SLC12A1: variants seen among roughly 807,000 people sequenced by gnomAD.
The protein encoded by SLC12A1 is Na-K-2Cl cotransporter.
In SLC12A1, 89 loss-of-function variants were observed where a neutral mutation model predicts 130.4. The observed-to-expected ratio is 0.68, with a 90% CI of 0.58 to 0.81. The LOEUF is 0.81. Ranked by LOEUF, SLC12A1 falls within the 40% of genes least tolerant of loss-of-function variation. SLC12A1 has a pLI of 0.00. For missense variants in SLC12A1, 1,310 were observed against 1,336.4 expected (o/e 0.98, Z 0.31); for synonymous variants, 499 against 460.0 (o/e 1.08, Z -1.09).
intron 4 of SLC12A1, among the ~76,000 whole-genome samples, chr15:48,221,643 C>T (rs528841075): frequency 4.3e-4 from 65 of 152,128 alleles, no homozygotes; most frequent in African/African-American, 1.6e-3. Flanking sequence ...TTAAATATTA[C>T]ATTCTATTTT....
intron 17 of SLC12A1, among the ~76,000 whole-genome samples, chr15:48,262,421 G>T (rs1201832425): frequency 1.3e-5 from 2 of 152,124 alleles, no homozygotes; most frequent in African/African-American, 2.4e-5. Context: ...ATCATTATTT[G>T]ATTTGAAATT....
At chr15:48,245,947 C>T (rs1261426850) in intron 11 of SLC12A1, among the ~76,000 whole-genome samples, 2 of 151,910 alleles carry the variant, frequency 1.3e-5, no homozygotes, top group Non-Finnish European at 2.9e-5. Context: ...CCAGAGGGAA[C>T]GTAAATAAGG....
At chr15:48,211,159 TCATGAAGAGGTATCCA>T (rs1188309155) in intron 2 of SLC12A1, among the ~76,000 whole-genome samples, 2 of 152,166 alleles carry the variant, frequency 1.3e-5, no homozygotes, top group Non-Finnish European at 1.5e-5. Flanking sequence ...CTTGATTAAA[TCATGAAGAGGTATCCA>T]CATAGCCAAA....
chr15:48,288,147 G>A lies in SLC12A1; in HGVS notation c.2734G>A (p.Asp912Asn). The stretch of plus-strand genomic sequence containing the variant: ...AAAGAAACAAGAAAAAGGCACAATT[G>A]ATGTTTGGTGGTTGTTTGATGATGG... ...FKKKQEKGTI[D>N]VWWLFDDGGL... The change falls in exon 22 of 27, where the codon GAT (aspartate) becomes AAT (asparagine). Residue 912 changes from aspartate (D) to asparagine (N), a missense_variant. By Grantham distance (23) the Asp-to-Asn change is conservative (BLOSUM62 1). Coordinates refer to ENST00000380993, the MANE Select transcript of SLC12A1 (RefSeq NM_000338.3). The A allele has an allele frequency of 6.2e-7, 1 of 1,609,926 alleles. No homozygotes were observed.
At chr15:48,242,819 T>C (rs547307348) in intron 10 of SLC12A1, among the ~76,000 whole-genome samples, 51 of 151,712 alleles carry the variant, frequency 3.4e-4, no homozygotes, top group Admixed American at 3.3e-3. Flanking sequence ...AATAAATAGG[T>C]AGATAAATGT....
chr15:48,230,643 A>T, intron 7 of SLC12A1, 140 bp downstream of exon 7: 3 of 647,290 alleles, frequency 4.6e-6, no homozygotes, highest in Non-Finnish European at 8.4e-6. Context: ...TGCTAGGTGG[A>T]ACACCAAGCC....
intron 8 of SLC12A1, among the ~76,000 whole-genome samples, chr15:48,234,147 G>T (rs1402565574): frequency 6.6e-6 from 1 of 152,152 alleles, no homozygotes; most frequent in Non-Finnish European, 1.5e-5. Flanking sequence ...TAGAAAACCA[G>T]TGTGTTGATT....
At chr15:48,268,551 A>C (rs771643323) in intron 18 of SLC12A1, among the ~76,000 whole-genome samples, 7 of 152,180 alleles carry the variant, frequency 4.6e-5, no homozygotes, top group Non-Finnish European at 1.0e-4. Context: ...AATATTGGTT[A>C]AGCTTAATTG....
chr15:48,263,849 C>T (rs1226089800), intron 17 of SLC12A1, among the ~76,000 whole-genome samples: 2 of 152,076 alleles, frequency 1.3e-5, no homozygotes, highest in Non-Finnish European at 2.9e-5. Context: ...TGTGCCACCA[C>T]ACCCAGCTAA....
At chr15:48,235,997 A>G (rs1187642585) in intron 9 of SLC12A1, among the ~76,000 whole-genome samples, 1 of 152,098 alleles carries the variant, frequency 6.6e-6, no homozygotes, top group African/African-American at 2.4e-5. Context: ...TGTAGTCTGT[A>G]TCTGGGCAGC....
chr15:48,287,691 G>T (rs2042074091), intron 21 of SLC12A1, among the ~76,000 whole-genome samples: 1 of 152,118 alleles, frequency 6.6e-6, no homozygotes, highest in East Asian at 1.9e-4. Context: ...CTGAGATTTT[G>T]GGAAATGTGG....
At chr15:48,224,859 G>C (rs2041263939) in intron 4 of SLC12A1, 1 of 152,156 alleles carries the variant, frequency 6.6e-6, no homozygotes, top group Non-Finnish European at 1.5e-5. Flanking sequence ...GAAGCTGAAA[G>C]CAGTCACGGC....
Position 48,208,044 on chromosome 15 carries a change from G to A in SLC12A1, c.325G>A (p.Val109Ile), listed in dbSNP as rs373101131. 6.7e-5 allele frequency: 108 copies of A among 1,613,932 alleles called. No individual in the cohort carries two copies. The highest frequency in any genetic ancestry group is 3.3e-4 in the Middle Eastern group (2 of 6,062). ...TTTTGGCCACAACACCATGGATGCC[G>A]TTCCCAAGATAGAGTACTATCGTAA... ...QTFGHNTMDA[V>I]PKIEYYRNTG... The change falls in exon 2 of 27, where the codon GTT (valine) becomes ATT (isoleucine). Residue 109 changes from valine to isoleucine, a missense_variant. By Grantham distance (29) the Val-to-Ile change is conservative. Coordinates refer to ENST00000380993, the MANE Select transcript of SLC12A1 (RefSeq NM_000338.3).
intron 1 of SLC12A1, among the ~76,000 whole-genome samples, chr15:48,207,010 C>T (rs2040990302): frequency 6.6e-6 from 1 of 152,050 alleles, no homozygotes; most frequent in Admixed American, 6.6e-5. Context: ...TAATTTTTTA[C>T]TTGTTGCATA....
chr15:48,298,008 A>T (rs1254087634), intron 24 of SLC12A1, among the ~76,000 whole-genome samples: 1 of 152,238 alleles, frequency 6.6e-6, no homozygotes, highest in Non-Finnish European at 1.5e-5. Context: ...ATGCAATAGA[A>T]GCCTAATGCA....
At chr15:48,226,083 T>C (rs1369920575) in intron 4 of SLC12A1, 7 of 188,214 alleles carry the variant, frequency 3.7e-5, no homozygotes, top group Non-Finnish European at 6.2e-5. Context: ...GGCAAAGAGA[T>C]GCAAGAAAAA....
intron 19 of SLC12A1, among the ~76,000 whole-genome samples, chr15:48,271,756 G>T (rs1156430833): frequency 6.6e-6 from 1 of 152,110 alleles, no homozygotes; most frequent in Non-Finnish European, 1.5e-5. Context: ...AGTAAGTTAA[G>T]GCTAAACCAG....
intron 17 of SLC12A1, among the ~76,000 whole-genome samples, chr15:48,261,503 G>A (rs541775519): frequency 2.0e-5 from 3 of 152,072 alleles, no homozygotes; most frequent in Admixed American, 6.6e-5. Flanking sequence ...GGTTCTCTTG[G>A]GGACAGAAAA....
chr15:48,243,966 G>GA (rs1333638862), intron 10 of SLC12A1, among the ~76,000 whole-genome samples: 1 of 152,112 alleles, frequency 6.6e-6, no homozygotes, highest in African/African-American at 2.4e-5. Context: ...AGATTAGTTA[G>GA]AAAAAATCCT....
Sources: gnomAD v4.1 joint callset for allele counts (sites outside exome capture counted in the v4.1 genomes callset) on GRCh38, gnomAD v4.1.1 for gene constraint, MANE v1.5 for transcripts, NCBI Gene and HGNC (gene_info 2026-07-23, HGNC 2026-07-21) for gene names.